The following PHF24 variants were observed in gnomAD, a reference collection of about 807,000 sequenced individuals.
PHF24 encodes the protein PHD finger protein 24.
PHF24 carries 25 observed loss-of-function variants against 42.6 expected under a neutral mutation model. That is an observed-to-expected ratio of 0.59 (90% CI 0.43 to 0.82). The LOEUF is 0.82. Ranked by LOEUF, PHF24 falls within the 40% of genes least tolerant of loss-of-function variation. The probability of loss-of-function intolerance (pLI) is 0.00; values close to 1 mark genes in which losing one functional copy is unlikely to be tolerated. For synonymous variants in PHF24, 185 were observed against 204.8 expected, an observed-to-expected ratio of 0.90 and a Z score of 0.83; for missense variants, 470 against 538.1, an observed-to-expected ratio of 0.87 and a Z score of 1.25.
the PHF24 span, among the ~76,000 whole-genome samples, chr9:34,829,506 G>A: frequency 1.3e-5 from 2 of 152,110 alleles, no homozygotes; most frequent in Non-Finnish European, 2.9e-5. Context: ...ATTATTGAAT[G>A]TAAGATGTTT....
chr9:34,828,765 T>G, the PHF24 span, among the ~76,000 whole-genome samples: 7 of 152,194 alleles, frequency 4.6e-5, no homozygotes, highest in Non-Finnish European at 1.0e-4. Context: ...CTGTTTTTCT[T>G]CCTACCTCAC....
At chr9:34,720,585 G>A in the PHF24 span, among the ~76,000 whole-genome samples, 1 of 152,034 alleles carries the variant, frequency 6.6e-6, no homozygotes, top group Non-Finnish European at 1.5e-5. Context: ...AGGGATAATA[G>A]CTGTCCAAAA....
the PHF24 span, among the ~76,000 whole-genome samples, chr9:34,685,276 A>G: frequency 6.6e-6 from 1 of 151,568 alleles, no homozygotes; most frequent in Non-Finnish European, 1.5e-5. Flanking sequence ...GGCATCTGAT[A>G]CTCCCCTGGG....
At chr9:34,832,579 C>A in the PHF24 span, 1 of 1,544,396 alleles carries the variant, frequency 6.5e-7, no homozygotes, top group Non-Finnish European at 8.7e-7. Flanking sequence ...GTTTTGGCCA[C>A]CTTCACAGTG....
At chr9:34,698,168 G>A in the PHF24 span, among the ~76,000 whole-genome samples, 1 of 150,254 alleles carries the variant, frequency 6.7e-6, no homozygotes, top group South Asian at 2.1e-4. Flanking sequence ...AGGATTTACA[G>A]TCTTACCCAG....
the PHF24 span, among the ~76,000 whole-genome samples, chr9:34,806,731 T>C: frequency 1.3e-5 from 2 of 152,268 alleles, no homozygotes; most frequent in African/African-American, 4.8e-5. Context: ...AGTGCTGGCA[T>C]TACAGGCATG....
the PHF24 span, among the ~76,000 whole-genome samples, chr9:34,765,837 A>T: frequency 2.1e-3 from 322 of 152,196 alleles, 1 homozygote; most frequent in African/African-American, 7.0e-3. Flanking sequence ...AGTGGCTGGT[A>T]CTGGTTGTTC....
intron 1 of PHF24, among the ~76,000 whole-genome samples, chr9:34,970,164 C>T (rs1277792125): frequency 2.0e-5 from 3 of 152,172 alleles, no homozygotes; most frequent in Non-Finnish European, 4.4e-5. Context: ...AAGAATTCCC[C>T]AGCTGACTTC....
chr9:34,813,345 T>C, the PHF24 span, among the ~76,000 whole-genome samples: 1 of 152,160 alleles, frequency 6.6e-6, no homozygotes, highest in African/African-American at 2.4e-5. Context: ...CAGCGTTATA[T>C]TGGTTTTCTA....
the PHF24 span, among the ~76,000 whole-genome samples, chr9:34,919,662 CTAATTA>C: frequency 3.9e-3 from 546 of 139,872 alleles, 1 homozygote; most frequent in South Asian, 0.028. Flanking sequence ...CTTATTCATT[CTAATTA>C]TATTTTTCTT....
the PHF24 span, among the ~76,000 whole-genome samples, chr9:34,692,332 A>C: frequency 1.3e-3 from 201 of 152,276 alleles, 4 homozygotes; most frequent in African/African-American, 4.6e-3. Context: ...TACCTTGCTT[A>C]ACTTTCCCAA....
At chr9:34,688,961 G>C in the PHF24 span, among the ~76,000 whole-genome samples, 1 of 152,196 alleles carries the variant, frequency 6.6e-6, no homozygotes, top group African/African-American at 2.4e-5. Flanking sequence ...TGCTGTGAGG[G>C]GCCACTGCAG....
chr9:34,935,645 C>T, the PHF24 span, among the ~76,000 whole-genome samples: 22 of 146,066 alleles, frequency 1.5e-4, no homozygotes, highest in African/African-American at 5.1e-4. Flanking sequence ...GTGGAGACAG[C>T]TACATAGGAA....
chr9:34,785,200 C>T, the PHF24 span, among the ~76,000 whole-genome samples: 38 of 152,186 alleles, frequency 2.5e-4, no homozygotes, highest in African/African-American at 8.4e-4. Flanking sequence ...AAGATGGCAT[C>T]TTGCTGTGTG....
chr9:34,730,634 G>A, the PHF24 span, among the ~76,000 whole-genome samples: 1 of 152,224 alleles, frequency 6.6e-6, no homozygotes, highest in African/African-American at 2.4e-5. Context: ...CAAAGCAAGA[G>A]CCAACAATCA....
chr9:34,769,147 T>C, the PHF24 span, among the ~76,000 whole-genome samples: 1 of 152,144 alleles, frequency 6.6e-6, no homozygotes, highest in Non-Finnish European at 1.5e-5. Flanking sequence ...GACAGAATCT[T>C]GCTCTGTCAC....
chr9:34,754,396 A>C, the PHF24 span, among the ~76,000 whole-genome samples: 1 of 152,148 alleles, frequency 6.6e-6, no homozygotes, highest in Non-Finnish European at 1.5e-5. Flanking sequence ...AAGAAGACAT[A>C]CCAATGGCAA....
At chr9:34,867,956 C>G in the PHF24 span, among the ~76,000 whole-genome samples, 5 of 152,180 alleles carry the variant, frequency 3.3e-5, no homozygotes, top group African/African-American at 1.2e-4. Flanking sequence ...CGCCACAAGT[C>G]TAAAGGACAC....
the PHF24 span, chr9:34,918,420 AAAAT>A: frequency 1.1e-5 from 6 of 537,184 alleles, no homozygotes; most frequent in South Asian, 4.6e-5. Flanking sequence ...AAAAAAAAAA[AAAAT>A]CATGGGGAAT....
Sources: allele counts gnomAD v4.1 joint callset (sites outside exome capture counted in the v4.1 genomes callset), GRCh38; gene constraint gnomAD v4.1.1; transcripts MANE v1.5; gene names NCBI Gene and HGNC (gene_info 2026-07-23, HGNC 2026-07-21).